Variants in MMP26 observed in about 807,000 individuals in gnomAD.
MMP26 encodes the protein matrix metallopeptidase 26, also known as matrix metalloproteinase-26.
MMP26 carries 33 observed loss-of-function variants against 31.0 expected under a neutral mutation model. The ratio of observed to expected loss-of-function variants is 1.06; its 90% CI spans 0.81 to 1.42. The LOEUF (loss-of-function observed/expected upper bound fraction) is 1.42. MMP26 is among the 40% of genes most tolerant of loss of function. The pLI is 0.00. For synonymous variants in MMP26, 122 were observed against 114.9 expected (o/e 1.06, Z -0.40); for missense variants, 347 against 316.1 (o/e 1.10, Z -0.74).
chr11:4,955,821 A>C, intron 2 of MMP26: 1 of 820,210 alleles, frequency 1.2e-6, no homozygotes, highest in South Asian at 1.8e-5. Flanking sequence ...AGTAGAAAAA[A>C]AGCAGTGTTA....
At chr11:4,958,719 C>T (rs1278515380) in intron 2 of MMP26, among the ~76,000 whole-genome samples, 1 of 152,094 alleles carries the variant, frequency 6.6e-6, no homozygotes, top group Non-Finnish European at 1.5e-5. Flanking sequence ...TTCTGAGGTG[C>T]TATTCCTGTA....
At chr11:4,850,485 A>G (rs974745100) in intron 2 of MMP26, among the ~76,000 whole-genome samples, 2 of 152,280 alleles carry the variant, frequency 1.3e-5, no homozygotes, top group East Asian at 1.9e-4. Context: ...ATTATTTATA[A>G]TTTTAACAAG....
chr11:4,747,421 A>G (rs1435435955), intron 1 of MMP26, among the ~76,000 whole-genome samples: 1 of 152,170 alleles, frequency 6.6e-6, no homozygotes. Context: ...TTTAAATTTT[A>G]TTTTTCCATA....
chr11:4,710,149 C>T (rs1847840840), intron 1 of MMP26: 1 of 456,680 alleles, frequency 2.2e-6, no homozygotes, highest in Non-Finnish European at 4.4e-6. Context: ...TGCACAGACA[C>T]ATGGATCAAC....
At chr11:4,790,685 G>A (rs751577847) in intron 2 of MMP26, among the ~76,000 whole-genome samples, 8 of 152,116 alleles carry the variant, frequency 5.3e-5, no homozygotes, top group Non-Finnish European at 7.3e-5. Context: ...TGATGGTCTC[G>A]TCTTCCACAC....
intron 2 of MMP26, among the ~76,000 whole-genome samples, chr11:4,836,300 A>G (rs1028965971): frequency 3.9e-5 from 6 of 152,074 alleles, no homozygotes; most frequent in Non-Finnish European, 8.8e-5. Context: ...ACCAGCAAGC[A>G]TTATAATAAA....
intron 2 of MMP26, among the ~76,000 whole-genome samples, chr11:4,820,578 T>G (rs138394640): frequency 1.8e-3 from 272 of 152,012 alleles, no homozygotes; most frequent in African/African-American, 6.2e-3. Flanking sequence ...TTTCCTCCTC[T>G]TCCCCTTTGT....
At chr11:4,757,304 A>G (rs1310303105) in intron 1 of MMP26, among the ~76,000 whole-genome samples, 1 of 152,116 alleles carries the variant, frequency 6.6e-6, no homozygotes, top group Non-Finnish European at 1.5e-5. Context: ...TTGGATTCTT[A>G]GCAAGCACTG....
chr11:4,923,310 C>T (rs1479746794), intron 2 of MMP26: 41 of 1,489,956 alleles, frequency 2.8e-5, no homozygotes, highest in Non-Finnish European at 3.6e-5. Context: ...TTTGCCACAG[C>T]ACAGCTGAAA....
At position 4,944,434 on chromosome 11, in the gene MMP26, A is replaced by G. The variant is rs530752384; in HGVS notation, c.-144-43634A>G. 1.1e-3 allele frequency: 177 copies of G among 161,526 alleles called. No individual in the cohort carries two copies. The Middle Eastern group carries it at 0.021, about 20-fold the overall frequency. 10.0% of individuals were successfully genotyped at this position (161,526 alleles called of 1,614,324 possible). On this transcript the variant is annotated intron_variant, in intron 2 of 7. Coordinates refer to ENST00000380390, the MANE Select transcript of MMP26 (RefSeq NM_021801.5). ...GAGAGCAAATTTTTAAAATGCCTAA[A>G]AAGACCTGGAAGCATATCCTGCATA...
At chr11:4,758,665 ATTGATGTAT>A (rs1341396493) in intron 1 of MMP26, among the ~76,000 whole-genome samples, 1 of 152,144 alleles carries the variant, frequency 6.6e-6, no homozygotes, top group African/African-American at 2.4e-5. Context: ...AGAGGTAAAC[ATTGATGTAT>A]TTGATTTGGT....
chr11:4,715,340 T>TTA (rs372052898), intron 1 of MMP26, among the ~76,000 whole-genome samples: 1 of 144,870 alleles, frequency 6.9e-6, no homozygotes, highest in East Asian at 2.0e-4. Flanking sequence ...TTTTTTCCTG[T>TTA]AAAAAAAAAA....
At chr11:4,841,707 C>A (rs1360631442) in intron 2 of MMP26, among the ~76,000 whole-genome samples, 1 of 152,158 alleles carries the variant, frequency 6.6e-6, no homozygotes, top group Non-Finnish European at 1.5e-5. Context: ...CCGAAGCAGG[C>A]AGATCACCTG....
At chr11:4,784,618 G>A (rs1848909938) in intron 2 of MMP26, among the ~76,000 whole-genome samples, 1 of 152,142 alleles carries the variant, frequency 6.6e-6, no homozygotes, top group South Asian at 2.1e-4. Context: ...CGTGACAGCT[G>A]GAATAGGCAA....
intron 2 of MMP26, among the ~76,000 whole-genome samples, chr11:4,840,088 T>C (rs1372904165): frequency 1.3e-5 from 2 of 152,102 alleles, no homozygotes; most frequent in African/African-American, 4.8e-5. Context: ...GAGGGTCCTT[T>C]GCCTTTGAAA....
intron 2 of MMP26, chr11:4,903,937 A>T (rs7118691): frequency 1.5e-3 from 232 of 151,936 alleles, no homozygotes; most frequent in African/African-American, 5.1e-3. Flanking sequence ...TGAATATATT[A>T]TGCCCTGACG....
At chr11:4,973,984 T>C (rs575406708) in intron 2 of MMP26, 1 of 152,094 alleles carries the variant, frequency 6.6e-6, no homozygotes, top group South Asian at 2.1e-4. Context: ...TTGAACTCAT[T>C]GAGGTCTTAC....
At chr11:4,758,197 T>C (rs770961105) in intron 1 of MMP26, among the ~76,000 whole-genome samples, 4 of 152,170 alleles carry the variant, frequency 2.6e-5, no homozygotes, top group African/African-American at 9.7e-5. Flanking sequence ...TAATAAGTGC[T>C]ACAATATGGA....
chr11:4,876,824 C>T (rs894890150), intron 2 of MMP26: 1 of 152,946 alleles, frequency 6.5e-6, no homozygotes, highest in African/African-American at 2.4e-5. Context: ...TTCACTGGTT[C>T]AACTGGCGTT....
Sources: gnomAD v4.1 joint callset for allele counts (sites outside exome capture counted in the v4.1 genomes callset) on GRCh38, gnomAD v4.1.1 for gene constraint, MANE v1.5 for transcripts, NCBI Gene and HGNC (gene_info 2026-07-23, HGNC 2026-07-21) for gene names.